The following WDR91 variants were observed in gnomAD, a reference collection of about 807,000 sequenced individuals.
The protein encoded by WDR91 is WD repeat domain 91, also known as WD repeat-containing protein 91.
WDR91 carries 52 observed loss-of-function variants against 88.4 expected under a neutral mutation model. The ratio of observed to expected loss-of-function variants is 0.59; its 90% CI spans 0.47 to 0.74. WDR91 has a LOEUF of 0.74. WDR91 is among the 30% of genes least tolerant of loss of function. The pLI, the probability that WDR91 is intolerant of heterozygous loss-of-function variation, is 0.00. For missense variants in WDR91, 824 were observed against 954.5 expected, an observed-to-expected ratio of 0.86 and a Z score of 1.80; for synonymous variants, 362 against 389.5, an observed-to-expected ratio of 0.93 and a Z score of 0.83.
intron 11 of WDR91, among the ~76,000 whole-genome samples, chr7:135,191,504 T>C (rs975047671): frequency 6.8e-5 from 10 of 147,440 alleles, no homozygotes; most frequent in African/African-American, 2.3e-4. Flanking sequence ...ACTCAGGAGG[T>C]TGAGGCAGAA....
At chr7:135,203,726 T>TA (rs1178113132) in intron 6 of WDR91, among the ~76,000 whole-genome samples, 1 of 152,200 alleles carries the variant, frequency 6.6e-6, no homozygotes, top group East Asian at 1.9e-4. Context: ...TCATAAGCCC[T>TA]TATGAGTTCA....
intron 9 of WDR91, chr7:135,193,910 G>A: frequency 1.9e-6 from 1 of 512,890 alleles, no homozygotes; most frequent in South Asian, 2.2e-5. Flanking sequence ...GAATGGGAGA[G>A]ACGCGTCACC....
chr7:135,192,651 G>A (rs1217166232), intron 11 of WDR91, among the ~76,000 whole-genome samples: 1 of 152,230 alleles, frequency 6.6e-6, no homozygotes, highest in Non-Finnish European at 1.5e-5. Flanking sequence ...GCTTCCAGCA[G>A]CATCAGGAAA....
At position 135,209,521 on chromosome 7, in the gene WDR91, G is replaced by C. The variant is rs1050711224; in HGVS notation, c.303+55C>G. 2.5e-5 allele frequency: 36 copies of C among 1,451,608 alleles called. No homozygotes were observed. The South Asian group carries it at 5.4e-4, about 22-fold the overall frequency. 89.9% of individuals were successfully genotyped at this position (1,451,608 alleles called of 1,614,324 possible). Reference sequence around the variant, plus strand: ...TAGGAACTGGAAGAAAATCTATTTTGGGATCAAAGAGCTCCTTCCACCAAG... The same window carrying C: ...TAGGAACTGGAAGAAAATCTATTTTCGGATCAAAGAGCTCCTTCCACCAAG... On this transcript the variant is annotated intron_variant, in intron 2 of 14. Transcript: ENST00000354475.
In WDR91 at chr7:135,197,929, C is replaced by A. The variant is rs538767142; in HGVS notation, c.1050+64G>T. 2.6e-6 allele frequency: 4 copies of A among 1,559,780 alleles called. No homozygotes were observed. In the East Asian group the frequency reaches 9.1e-5, roughly 36 times the overall value. ...AACTCAGAAGAGAGAGAAGAGAAGA[C>A]CCCCCACAGTGTTCCTCAGTAGCTG... On this transcript the variant is annotated intron_variant, in intron 7 of 14. Transcript: ENST00000354475.
chr7:135,198,323 T>TCA, intron 6 of WDR91, 172 bp from the exon 7 acceptor site: 2 of 665,954 alleles, frequency 3.0e-6, no homozygotes, highest in South Asian at 2.1e-5. Context: ...TGCTATGACC[T>TCA]CCTCCTTTCT....
At chr7:135,208,025 G>A (rs1336116263) in intron 3 of WDR91, among the ~76,000 whole-genome samples, 1 of 152,178 alleles carries the variant, frequency 6.6e-6, no homozygotes, top group African/African-American at 2.4e-5. Context: ...GGTGAAGGCA[G>A]GAAAGGTGCC....
rs953963589 is a variant in WDR91 at position 135,207,092 on chromosome 7, C to T, written c.594+28G>A. The T allele has an allele frequency of 3.8e-6, 6 of 1,584,612 alleles. No homozygotes were observed. In the Admixed American group the frequency reaches 8.5e-5, roughly 22 times the overall value. On this transcript the variant is annotated intron_variant, in intron 4 of 14. Coordinates refer to ENST00000354475, the MANE Select transcript of WDR91 (RefSeq NM_014149.4). ...CACACACAAAAAGCAGAAGTACTTC[C>T]TCAGGAGCAAGCCTGTTCAGAACAA... is the stretch of plus-strand genomic sequence containing the variant.
chr7:135,194,848 G>A (rs530753210), intron 9 of WDR91, 86 bp downstream of exon 9: 1 of 1,540,102 alleles, frequency 6.5e-7, no homozygotes, highest in Admixed American at 1.8e-5. Context: ...GAACTGGCTT[G>A]GCTGTCTTGA....
intron 1 of WDR91, among the ~76,000 whole-genome samples, chr7:135,210,521 A>G (rs1831976260): frequency 6.6e-6 from 1 of 152,256 alleles, no homozygotes; most frequent in South Asian, 2.1e-4. Context: ...AAGTTCCACG[A>G]AGCCGTGGTA....
chr7:135,203,077 C>T (rs943608163), intron 6 of WDR91, among the ~76,000 whole-genome samples: 1 of 152,196 alleles, frequency 6.6e-6, no homozygotes, highest in African/African-American at 2.4e-5. Context: ...CTATTATTAT[C>T]ATCCCGAGCA....
chr7:135,207,091 C>T (rs1358130596), intron 4 of WDR91, 29 bp downstream of exon 4: 1 of 1,582,402 alleles, frequency 6.3e-7, no homozygotes, highest in Non-Finnish European at 8.6e-7. Flanking sequence ...AGAAGTACTT[C>T]CTCAGGAGCA....
At chr7:135,205,254 C>T (rs1161103973) in intron 5 of WDR91, among the ~76,000 whole-genome samples, 1 of 152,224 alleles carries the variant, frequency 6.6e-6, no homozygotes. Context: ...CTGTGGTTAC[C>T]AATCTTTCCA....
At chr7:135,197,818 A>T in intron 7 of WDR91, 175 bp downstream of exon 7, 1 of 737,784 alleles carries the variant, frequency 1.4e-6, no homozygotes, top group Non-Finnish European at 2.1e-6. Flanking sequence ...TGGACCACAG[A>T]AAAGCCAGGC....
intron 14 of WDR91, 124 bp downstream of exon 14, chr7:135,186,848 A>G: frequency 8.7e-7 from 1 of 1,150,494 alleles, no homozygotes; most frequent in Non-Finnish European, 1.3e-6. Flanking sequence ...CCTTTGTCAA[A>G]GGCATCTCCA....
In WDR91 at chr7:135,207,192, C is replaced by G; in HGVS notation, c.522G>C (p.Val174=). ...GACACTCCGCATCAAAGTTCAGGAT[C>G]ACAGGGACTGGTGCACGAAGTTAAA... The part of the protein sequence containing the change: ...SVLFQCMPVP[V]ILNFDAECQR... Residue 174 remains valine (V), a synonymous_variant, in exon 4 of 15, where the codon GTG becomes GTC. Transcript: ENST00000354475. 1 of 1,605,668 alleles carries G rather than the reference C, an allele frequency of 6.2e-7. No individual in the cohort carries two copies. The highest frequency in any genetic ancestry group is 8.5e-7 in the Non-Finnish European group (1 of 1,174,118).
chr7:135,209,716 C>A lies in WDR91; in HGVS notation c.163G>T (p.Val55Leu). The part of the protein sequence containing the change: ...IVDQLQQLMQ[V>L]YDLAALRDYW... ...TCCCGAAGGGCAGCCAAGTCATACACCTGCATTAACTGCTGCAGCTGGTCC... is the reference window on the plus strand; with the variant it reads ...TCCCGAAGGGCAGCCAAGTCATACAACTGCATTAACTGCTGCAGCTGGTCC... Residue 55 changes from valine to leucine, a missense_variant, in exon 2 of 15, where the codon GTG (valine) becomes TTG (leucine). Coordinates refer to ENST00000354475, the MANE Select transcript of WDR91 (RefSeq NM_014149.4). 1.2e-6 allele frequency: 2 copies of A among 1,611,396 alleles called. No individual in the cohort carries two copies. The highest frequency in any genetic ancestry group is 3.3e-4 in the Middle Eastern group (2 of 6,052).
rs543838723 is a variant in WDR91 at position 135,204,428 on chromosome 7, A to G, written c.731T>C (p.Met244Thr). The change falls in exon 6 of 15, where the codon ATG (methionine) becomes ACG (threonine). Residue 244 changes from methionine to threonine, a missense_variant. By Grantham distance (81) the Met-to-Thr change is moderately conservative. Coordinates refer to ENST00000354475, the MANE Select transcript of WDR91 (RefSeq NM_014149.4). Reference protein sequence around the residue: ...MDRLGDSELAMVCSQRNASLS... With the variant: ...MDRLGDSELATVCSQRNASLS... ...GGAGGCATTCCTTTGGCTGCACACCATGGCACTGGTCAGCAAACACACCAC... is the reference window on the plus strand; with the variant it reads ...GGAGGCATTCCTTTGGCTGCACACCGTGGCACTGGTCAGCAAACACACCAC... The G allele has an allele frequency of 1.1e-5, 18 of 1,614,004 alleles. No individual in the cohort carries two copies. The highest frequency in any genetic ancestry group is 1.4e-5 in the Non-Finnish European group (17 of 1,179,994).
chr7:135,208,790 T>G lies in WDR91; in HGVS notation c.511+1A>C, dbSNP rs769097070. On this transcript the variant is annotated splice_donor_variant, in intron 3 of 14. Coordinates refer to ENST00000354475, the MANE Select transcript of WDR91 (RefSeq NM_014149.4). LOFTEE classifies it high-confidence loss of function. The stretch of plus-strand genomic sequence containing the variant: ...TCAGCCCCAGGCAACTGAAAGGATA[T>G]GCATGCACTGAAACAGGACGCTCAG... 2 of 1,600,754 alleles carry G rather than the reference T, an allele frequency of 1.2e-6. No homozygotes were observed. Among genetic ancestry groups the G allele is most frequent in the Non-Finnish European group, 1.7e-6 (2 of 1,172,274 alleles).
Sources: allele counts gnomAD v4.1 joint callset (sites outside exome capture counted in the v4.1 genomes callset), GRCh38; gene constraint gnomAD v4.1.1; transcripts MANE v1.5; gene names NCBI Gene and HGNC (gene_info 2026-07-23, HGNC 2026-07-21).